EPB41: variants seen among roughly 807,000 people sequenced by gnomAD.
EPB41 encodes the protein protein 4.1.
A neutral mutation model predicts 108.0 loss-of-function variants in EPB41; 65 were observed. That is an observed-to-expected ratio of 0.60 (90% CI 0.49 to 0.74). The LOEUF (loss-of-function observed/expected upper bound fraction) is 0.74, where lower values mean the gene tolerates loss of function less well. Among genes scored for constraint, EPB41 ranks in the 30% least tolerant of loss-of-function variants. The probability of loss-of-function intolerance (pLI) is 0.00; values close to 1 mark genes in which losing one functional copy is unlikely to be tolerated. For missense variants in EPB41, 875 were observed against 1,037.0 expected (o/e 0.84, Z 2.15); for synonymous variants, 336 against 358.9 (o/e 0.94, Z 0.72).
chr1:29,011,311 G>C (rs898899868), intron 4 of EPB41, among the ~76,000 whole-genome samples: 1 of 151,582 alleles, frequency 6.6e-6, no homozygotes, highest in Non-Finnish European at 1.5e-5. Flanking sequence ...GTTGCAGTGA[G>C]CTGAGATTGT....
intron 11 of EPB41, among the ~76,000 whole-genome samples, chr1:29,044,399 A>G (rs1170231519): frequency 6.6e-6 from 1 of 152,232 alleles, no homozygotes; most frequent in East Asian, 1.9e-4. Flanking sequence ...TCAAGTGTTA[A>G]TGAGCTTTGG....
chr1:29,116,218 C>T (rs1378677650), intron 20 of EPB41, among the ~76,000 whole-genome samples: 1 of 139,928 alleles, frequency 7.1e-6, no homozygotes, highest in Non-Finnish European at 1.5e-5. Context: ...GTGGCATGAT[C>T]TTAGCTCACT....
chr1:28,973,586 G>C (rs746886051), intron 1 of EPB41, among the ~76,000 whole-genome samples: 10 of 151,998 alleles, frequency 6.6e-5, no homozygotes, highest in Non-Finnish European at 1.5e-4. Flanking sequence ...TTAGAAACAG[G>C]ATCTTGCTGT....
At chr1:29,046,805 T>C (rs1643350728) in intron 11 of EPB41, among the ~76,000 whole-genome samples, 1 of 152,222 alleles carries the variant, frequency 6.6e-6, no homozygotes, top group South Asian at 2.1e-4. Context: ...TTTCTCCTTT[T>C]TATGTTAATG....
At chr1:29,112,603 G>T (rs1047394203) in intron 19 of EPB41, among the ~76,000 whole-genome samples, 155 bp downstream of exon 19, 6 of 152,162 alleles carry the variant, frequency 3.9e-5, no homozygotes, top group Non-Finnish European at 7.3e-5. Context: ...AAAGTAAGAG[G>T]CCTGTGGGAT....
chr1:28,997,876 T>C (rs2096218172), intron 4 of EPB41, among the ~76,000 whole-genome samples: 2 of 152,190 alleles, frequency 1.3e-5, no homozygotes, highest in Non-Finnish European at 2.9e-5. Context: ...AGAATGGACT[T>C]GGAGGAGGGA....
At chr1:29,005,952 A>C (rs1306773872) in intron 4 of EPB41, among the ~76,000 whole-genome samples, 5 of 152,224 alleles carry the variant, frequency 3.3e-5, no homozygotes, top group Non-Finnish European at 5.9e-5. Flanking sequence ...TTCTGCTTAA[A>C]GTGTTAATAT....
intron 6 of EPB41, among the ~76,000 whole-genome samples, chr1:29,017,407 G>A (rs982140191): frequency 2.0e-5 from 3 of 152,162 alleles, no homozygotes; most frequent in African/African-American, 4.8e-5. Context: ...GTTAGAACAC[G>A]TGGTAAGGAA....
At chr1:28,904,473 C>T (rs1300697760) in intron 1 of EPB41, among the ~76,000 whole-genome samples, 1 of 152,088 alleles carries the variant, frequency 6.6e-6, no homozygotes, top group Non-Finnish European at 1.5e-5. Context: ...ACCCTTCTTC[C>T]TTTCTTATAT....
chr1:28,952,875 G>A (rs4654381), intron 1 of EPB41, among the ~76,000 whole-genome samples: 12,783 of 152,024 alleles, frequency 0.084, 743 homozygotes, highest in East Asian at 0.27. Context: ...GAGATTAAGC[G>A]CTCACCACCA....
chr1:29,047,299 G>T (rs1643545546), intron 11 of EPB41, among the ~76,000 whole-genome samples: 3 of 132,996 alleles, frequency 2.3e-5, no homozygotes, highest in Admixed American at 1.7e-4. Context: ...TCTCAGGCTG[G>T]AGTGCAGTAG....
intron 16 of EPB41, chr1:29,072,115 G>T (rs1423602096): frequency 1.3e-5 from 2 of 152,162 alleles, no homozygotes; most frequent in African/African-American, 4.8e-5. Context: ...GGAAAAAGAA[G>T]CAAGGACCAG....
intron 7 of EPB41, among the ~76,000 whole-genome samples, chr1:29,028,282 C>T (rs2096747182): frequency 6.6e-6 from 1 of 152,136 alleles, no homozygotes; most frequent in Non-Finnish European, 1.5e-5. Context: ...AATTGCTTTA[C>T]TTAATGTTTT....
chr1:28,972,940 G>C (rs1010137867), intron 1 of EPB41, among the ~76,000 whole-genome samples: 5 of 152,082 alleles, frequency 3.3e-5, no homozygotes, highest in African/African-American at 1.2e-4. Flanking sequence ...ATTTCAAGAG[G>C]ATAGAGGAAG....
intron 1 of EPB41, among the ~76,000 whole-genome samples, chr1:28,956,244 C>G: frequency 6.6e-6 from 1 of 152,262 alleles, no homozygotes; most frequent in Admixed American, 6.5e-5. Flanking sequence ...GTAGGCTGTT[C>G]TTTATTAGAA....
intron 1 of EPB41, among the ~76,000 whole-genome samples, chr1:28,927,143 A>G (rs2148436198): frequency 6.6e-6 from 1 of 152,366 alleles, no homozygotes; most frequent in African/African-American, 2.4e-5. Context: ...GGGAACTTGT[A>G]CACAAGTGAC....
In EPB41 at chr1:29,065,331, A is replaced by G. The variant is rs1007777704; in HGVS notation, c.2184+173A>G. 7.2e-6 allele frequency: 9 copies of G among 1,253,448 alleles called. No individual in the cohort carries two copies. The African/African-American group carries it at 1.2e-4, about 17-fold the overall frequency. The allele number at this position is 1,253,448 out of a possible 1,614,324, so 77.6% of individuals were successfully genotyped here. A position where few individuals can be genotyped will look rare whatever the true frequency, so the allele number is the denominator to read the frequency against. On this transcript the variant is annotated intron_variant, in intron 16 of 20. Transcript: ENST00000343067. The stretch of plus-strand genomic sequence containing the variant: ...TCAAATATTTATTTTTTTTTAAGTC[A>G]GGTAGGCTACCCAGTGCAATTATAG...
chr1:28,971,800 A>G (rs903973523), intron 1 of EPB41, among the ~76,000 whole-genome samples: 3 of 152,192 alleles, frequency 2.0e-5, no homozygotes, highest in Non-Finnish European at 4.4e-5. Flanking sequence ...CTAAATCAAT[A>G]ACGACTCAAT....
intron 7 of EPB41, among the ~76,000 whole-genome samples, chr1:29,027,909 C>T (rs1028345880): frequency 6.6e-6 from 1 of 152,134 alleles, no homozygotes; most frequent in South Asian, 2.1e-4. Context: ...ACCACAACCT[C>T]TGCCTCCCAG....
Sources: allele counts gnomAD v4.1 joint callset (sites outside exome capture counted in the v4.1 genomes callset), GRCh38; gene constraint gnomAD v4.1.1; transcripts MANE v1.5; gene names NCBI Gene and HGNC (gene_info 2026-07-23, HGNC 2026-07-21).